ANGPT2: variants seen among roughly 807,000 people sequenced by gnomAD.
ANGPT2 encodes the protein angiopoietin-2.
ANGPT2 carries 28 observed loss-of-function variants against 62.9 expected under a neutral mutation model. The ratio of observed to expected loss-of-function variants is 0.44; its 90% CI spans 0.33 to 0.61. ANGPT2 has a LOEUF of 0.61. ANGPT2 is among the 20% of genes least tolerant of loss of function. The pLI, the probability that ANGPT2 is intolerant of heterozygous loss-of-function variation, is 0.03. For missense variants in ANGPT2, 727 were observed against 594.9 expected (o/e 1.22, Z -2.31); for synonymous variants, 284 against 207.8 (o/e 1.37, Z -3.15).
At chr8:6,519,783 G>C in intron 5 of ANGPT2, 81 bp downstream of exon 5, 5 of 1,521,446 alleles carry the variant, frequency 3.3e-6, no homozygotes, top group Non-Finnish European at 4.5e-6. Flanking sequence ...TTTGGGGAGA[G>C]ACTTCTGCTC....
chr8:6,548,424 C>T (rs144669039), intron 1 of ANGPT2, among the ~76,000 whole-genome samples: 30 of 152,238 alleles, frequency 2.0e-4, no homozygotes, highest in African/African-American at 7.2e-4. Flanking sequence ...GATTTTGATC[C>T]TCATCTCAAC....
At chr8:6,543,006 G>A (rs1020378398) in intron 1 of ANGPT2, among the ~76,000 whole-genome samples, 6 of 152,132 alleles carry the variant, frequency 3.9e-5, no homozygotes, top group Admixed American at 1.3e-4. Flanking sequence ...GGAGAGGAGC[G>A]GACTTGGGAA....
At chr8:6,510,070 G>T (rs1030077019) in intron 7 of ANGPT2, among the ~76,000 whole-genome samples, 3 of 152,108 alleles carry the variant, frequency 2.0e-5, no homozygotes, top group Non-Finnish European at 4.4e-5. Context: ...AAGCTGAATT[G>T]CAAAAATACG....
chr8:6,534,979 A>G (rs374572596), intron 1 of ANGPT2, among the ~76,000 whole-genome samples: 67 of 152,204 alleles, frequency 4.4e-4, no homozygotes, highest in African/African-American at 1.5e-3. Context: ...TGTCTTAGTT[A>G]CTCCTCACAG....
At chr8:6,560,863 A>C (rs1468163709) in intron 1 of ANGPT2, among the ~76,000 whole-genome samples, 1 of 152,212 alleles carries the variant, frequency 6.6e-6, no homozygotes, top group East Asian at 1.9e-4. Flanking sequence ...AAGTTAATTA[A>C]GCAAATACAA....
intron 1 of ANGPT2, among the ~76,000 whole-genome samples, chr8:6,535,545 C>T (rs930041268): frequency 6.6e-6 from 1 of 151,974 alleles, no homozygotes; most frequent in Non-Finnish European, 1.5e-5. Flanking sequence ...AAGCAGATTA[C>T]AAATACACAT....
At chr8:6,539,784 G>A (rs538363964) in intron 1 of ANGPT2, among the ~76,000 whole-genome samples, 15 of 152,188 alleles carry the variant, frequency 9.9e-5, no homozygotes, top group African/African-American at 3.4e-4. Flanking sequence ...ATGGGGCTTC[G>A]CCATGTTGGT....
At chr8:6,560,261 A>T (rs1190463592) in intron 1 of ANGPT2, among the ~76,000 whole-genome samples, 4 of 152,250 alleles carry the variant, frequency 2.6e-5, no homozygotes, top group Non-Finnish European at 5.9e-5. Flanking sequence ...ATGTAAAACC[A>T]TGAAAAACCC....
rs1249174557 is a variant in ANGPT2, at chr8:6,505,319, T to TTC, written c.1328-2059_1328-2058insGA. ...CATATATATGTATATAACATATATATGTTATATACATATAGAAAGAATATA... is the reference window on the plus strand; with the variant it reads ...CATATATATGTATATAACATATATATTCGTTATATACATATAGAAAGAATATA... On this transcript the variant is annotated intron_variant, in intron 8 of 8. Transcript: ENST00000629816. Among the ~76,000 whole-genome samples, 6 of 62,444 alleles carry TTC rather than the reference T, an allele frequency of 9.6e-5. 2 individuals carry two copies. The highest frequency in any genetic ancestry group is 5.5e-4 in the African/African-American group (6 of 10,980). The allele number at this position is 62,444 out of a possible 152,430, so 41.0% of individuals were successfully genotyped here. A position where few individuals can be genotyped will look rare whatever the true frequency, so the allele number is the denominator to read the frequency against.
At chr8:6,553,648 C>G (rs2129575108) in intron 1 of ANGPT2, among the ~76,000 whole-genome samples, 1 of 151,788 alleles carries the variant, frequency 6.6e-6, no homozygotes, top group East Asian at 1.9e-4. Context: ...AAACAAAATC[C>G]CTGAAATGGT....
At chr8:6,540,286 G>C (rs887020687) in intron 1 of ANGPT2, among the ~76,000 whole-genome samples, 2 of 152,186 alleles carry the variant, frequency 1.3e-5, no homozygotes, top group Non-Finnish European at 2.9e-5. Context: ...ATAAGGAAAT[G>C]TGCTTTTCCC....
chr8:6,559,614 A>G (rs28637523), intron 1 of ANGPT2, among the ~76,000 whole-genome samples: 3,941 of 152,288 alleles, frequency 0.026, 124 homozygotes, highest in African/African-American at 0.071. Flanking sequence ...GCAGTTGTTT[A>G]TAGGTATGAG....
intron 7 of ANGPT2, among the ~76,000 whole-genome samples, chr8:6,512,899 TGCC>T (rs1318233110): frequency 5.3e-5 from 8 of 152,246 alleles, no homozygotes; most frequent in East Asian, 1.9e-4. Flanking sequence ...CACCTAACTC[TGCC>T]ATCTCTAAAC....
intron 1 of ANGPT2, among the ~76,000 whole-genome samples, chr8:6,543,022 A>T (rs538570051): frequency 1.3e-5 from 2 of 152,086 alleles, no homozygotes; most frequent in African/African-American, 4.8e-5. Context: ...GGGAATGCTG[A>T]TGGGAATGCT....
intron 8 of ANGPT2, chr8:6,508,680 C>G: frequency 1.7e-6 from 1 of 597,894 alleles, no homozygotes. Flanking sequence ...CAAATATCCC[C>G]TCTCCTTGCC....
chr8:6,561,132 A>C (rs553783031), intron 1 of ANGPT2, among the ~76,000 whole-genome samples: 2 of 152,232 alleles, frequency 1.3e-5, no homozygotes, highest in African/African-American at 4.8e-5. Flanking sequence ...GTTGCTGCAT[A>C]CTTTTTAAGC....
intron 1 of ANGPT2, among the ~76,000 whole-genome samples, chr8:6,558,128 A>T (rs905758923): frequency 6.6e-6 from 1 of 152,176 alleles, no homozygotes; most frequent in African/African-American, 2.4e-5. Flanking sequence ...TTTTTGGGCC[A>T]GGAAAGATCC....
In ANGPT2 at chr8:6,499,684, A is replaced by C. The variant is rs957176730; in HGVS notation, c.*3417T>G. On this transcript the variant is annotated 3_prime_UTR_variant, in exon 9 of 9. Coordinates refer to ENST00000629816, the MANE Select transcript of ANGPT2 (RefSeq NM_001118887.2). ...AATCAACTTTTTATTAATATTCATA[A>C]CATTTATGCAACATGAAGATTCTGA... The C allele has an allele frequency of 1.6e-6, 1 of 607,154 alleles. No homozygotes were observed. Among genetic ancestry groups the C allele is most frequent in the Non-Finnish European group, 2.9e-6 (1 of 340,704 alleles). The allele number at this position is 607,154 out of a possible 1,614,324, so 37.6% of individuals were successfully genotyped here.
rs1439800651 is a variant in ANGPT2, at chr8:6,562,847, C to G, written c.88G>C (p.Gly30Arg). The G allele has an allele frequency of 1.2e-6, 2 of 1,613,802 alleles. No individual in the cohort carries two copies. The highest frequency in any genetic ancestry group is 2.2e-5 in the East Asian group (1 of 44,878). Residue 30 changes from glycine (G) to arginine (R), a missense_variant, in exon 1 of 9, where the codon GGA becomes CGA. Transcript: ENST00000629816. The part of the protein sequence containing the change: ...NNFRKSMDSI[G>R]KKQYQVQHGS... ...TGCTGGACCTGATATTGCTTCTTTC[C>G]TATGCTGTCCATGCTCTTCCGAAAG...
Sources: gnomAD v4.1 joint callset for allele counts (sites outside exome capture counted in the v4.1 genomes callset) on GRCh38, gnomAD v4.1.1 for gene constraint, MANE v1.5 for transcripts, NCBI Gene and HGNC (gene_info 2026-07-23, HGNC 2026-07-21) for gene names.